The following TAFA5 variants were observed in gnomAD, a reference collection of about 807,000 sequenced individuals.
The protein encoded by TAFA5 is chemokine-like protein TAFA-5.
Under a neutral mutation model 15.3 loss-of-function variants are expected in TAFA5, and 6 were observed. The observed-to-expected ratio is 0.39, with a 90% CI of 0.21 to 0.77. The LOEUF is 0.77. Among genes scored for constraint, TAFA5 ranks in the 30% least tolerant of loss-of-function variants. The pLI, the probability that TAFA5 is intolerant of heterozygous loss-of-function variation, is 0.41. For missense variants in TAFA5, 161 were observed against 193.1 expected (o/e 0.83, Z 0.98); for synonymous variants, 103 against 80.7 (o/e 1.28, Z -1.48).
chr22:48,519,375 C>T (rs547905260), intron 1 of TAFA5, among the ~76,000 whole-genome samples: 7 of 152,364 alleles, frequency 4.6e-5, no homozygotes, highest in Admixed American at 3.3e-4. Context: ...ATCGCGTAGT[C>T]GCAGGGGCCA....
chr22:48,526,568 G>T (rs1483440526), intron 1 of TAFA5, among the ~76,000 whole-genome samples: 1 of 152,224 alleles, frequency 6.6e-6, no homozygotes, highest in Non-Finnish European at 1.5e-5. Flanking sequence ...GACCATACAG[G>T]GCGGCTGCTG....
At chr22:48,590,595 G>C (rs187115742) in intron 1 of TAFA5, among the ~76,000 whole-genome samples, 26 of 152,130 alleles carry the variant, frequency 1.7e-4, no homozygotes, top group Admixed American at 3.9e-4. Flanking sequence ...CCTGGGCCGA[G>C]CTGACCACGA....
chr22:48,586,099 G>T (rs945485152), intron 1 of TAFA5, among the ~76,000 whole-genome samples: 6 of 152,246 alleles, frequency 3.9e-5, no homozygotes, highest in Non-Finnish European at 7.3e-5. Context: ...CGCTGGCTGG[G>T]CCTCTGCAGA....
In TAFA5 at chr22:48,637,960, G is replaced by T. The variant is rs146320280; in HGVS notation, c.113-8637G>T. On this transcript the variant is annotated intron_variant, in intron 1 of 3. Coordinates refer to ENST00000402357, the MANE Select transcript of TAFA5 (RefSeq NM_001082967.3). ...GATCCTGAGGCTGTCCTGCCCGGGG[G>T]TCACTGCAGAGGGAGTCTTGTCCTT... 7.6e-3 allele frequency among the ~76,000 whole-genome samples: 1,163 copies of T among 152,236 alleles called. 14 individuals carry two copies. Among genetic ancestry groups the T allele is most frequent in the African/African-American group, 0.027 (1,111 of 41,510 alleles).
chr22:48,599,582 C>T (rs1467866299), intron 1 of TAFA5, among the ~76,000 whole-genome samples: 8 of 152,212 alleles, frequency 5.3e-5, no homozygotes, highest in African/African-American at 1.7e-4. Context: ...TGGACAGGGC[C>T]TGATGTGGCA....
At chr22:48,664,106 A>G (rs1258134355) in intron 2 of TAFA5, among the ~76,000 whole-genome samples, 3 of 152,228 alleles carry the variant, frequency 2.0e-5, no homozygotes, top group South Asian at 2.1e-4. Flanking sequence ...ACGGTGTATA[A>G]AAAGTGCATA....
chr22:48,525,860 G>A (rs530696507), intron 1 of TAFA5, among the ~76,000 whole-genome samples: 19 of 152,228 alleles, frequency 1.2e-4, no homozygotes, highest in South Asian at 2.1e-4. Context: ...CTGCAGAGGC[G>A]TGGAGATGTG....
intron 1 of TAFA5, among the ~76,000 whole-genome samples, chr22:48,559,918 G>A (rs528338342): frequency 2.6e-5 from 4 of 152,332 alleles, no homozygotes; most frequent in South Asian, 4.1e-4. Context: ...TGCGGGGGCC[G>A]TGGTAGAGAC....
intron 2 of TAFA5, among the ~76,000 whole-genome samples, chr22:48,695,695 T>C (rs944230894): frequency 6.6e-6 from 1 of 151,914 alleles, no homozygotes; most frequent in Non-Finnish European, 1.5e-5. Flanking sequence ...GTTCTCAGGT[T>C]TGGGGGTGGG....
chr22:48,718,219 T>C (rs1485814340), intron 3 of TAFA5, among the ~76,000 whole-genome samples: 1 of 152,180 alleles, frequency 6.6e-6, no homozygotes, highest in African/African-American at 2.4e-5. Context: ...CTCCCTGGGA[T>C]GCCCATGGCC....
intron 1 of TAFA5, among the ~76,000 whole-genome samples, chr22:48,612,619 C>T (rs1368987911): frequency 6.6e-6 from 1 of 152,084 alleles, no homozygotes; most frequent in African/African-American, 2.4e-5. Flanking sequence ...CCACGTGTCT[C>T]CCGTTCCCCG....
intron 3 of TAFA5, among the ~76,000 whole-genome samples, chr22:48,709,883 G>T (rs1051755903): frequency 6.6e-6 from 1 of 152,268 alleles, no homozygotes; most frequent in Non-Finnish European, 1.5e-5. Flanking sequence ...CGAGGTGCTT[G>T]TCAGGAACAG....
At chr22:48,668,418 T>C (rs111339567) in intron 2 of TAFA5, among the ~76,000 whole-genome samples, 352 of 3,558 alleles carry the variant, frequency 0.099, no homozygotes, top group Admixed American at 0.13. Flanking sequence ...GGGGCCGCGT[T>C]TTCACTGGGA....
intron 3 of TAFA5, among the ~76,000 whole-genome samples, chr22:48,738,159 A>T (rs1308447092): frequency 6.6e-6 from 1 of 152,204 alleles, no homozygotes; most frequent in Non-Finnish European, 1.5e-5. Context: ...TGAGCAGGGC[A>T]GTGCCTGCAG....
At chr22:48,514,123 CT>C (rs1323938911) in intron 1 of TAFA5, among the ~76,000 whole-genome samples, 2 of 152,168 alleles carry the variant, frequency 1.3e-5, no homozygotes, top group African/African-American at 4.8e-5. Context: ...TGTCAGGGCC[CT>C]TGGCTGCACC....
At chr22:48,718,901 C>T (rs1160610381) in intron 3 of TAFA5, among the ~76,000 whole-genome samples, 1 of 152,174 alleles carries the variant, frequency 6.6e-6, no homozygotes, top group Non-Finnish European at 1.5e-5. Context: ...CAAGGTGGCC[C>T]CTGCCCCCGG....
intron 3 of TAFA5, among the ~76,000 whole-genome samples, chr22:48,741,766 C>A (rs130224): frequency 0.32 from 47,977 of 152,010 alleles, 8,841 homozygotes; most frequent in Non-Finnish European, 0.42. Context: ...AGACGTCCAG[C>A]CTCCTGGGCT....
chr22:48,545,243 T>G lies in TAFA5; in HGVS notation c.112+55539T>G, dbSNP rs768508838. ...CCATCCAGACCGTGCCATGCTGCCA[T>G]TTGGCGTAAGGCCTCTGGTCTCGGA... On this transcript the variant is annotated intron_variant, in intron 1 of 3. Transcript: ENST00000402357. 1.1e-5 allele frequency: 3 copies of G among 268,834 alleles called. No homozygotes were observed. In the East Asian group the frequency reaches 2.6e-4, roughly 23 times the overall value. 16.7% of individuals were successfully genotyped at this position (268,834 alleles called of 1,614,324 possible). A position where few individuals can be genotyped will look rare whatever the true frequency, so the allele number is the denominator to read the frequency against.
chr22:48,732,284 C>T (rs772667685), intron 3 of TAFA5, among the ~76,000 whole-genome samples: 1 of 152,038 alleles, frequency 6.6e-6, no homozygotes, highest in Non-Finnish European at 1.5e-5. Context: ...GAGTCTTGCT[C>T]TTGTCACCCA....
Sources: allele counts gnomAD v4.1 joint callset (sites outside exome capture counted in the v4.1 genomes callset), GRCh38; gene constraint gnomAD v4.1.1; transcripts MANE v1.5; gene names NCBI Gene and HGNC (gene_info 2026-07-23, HGNC 2026-07-21).